The following VPS54 variants were observed in gnomAD, a reference collection of about 807,000 sequenced individuals.
VPS54 encodes VPS54 subunit of GARP complex.
A neutral mutation model predicts 121.5 loss-of-function variants in VPS54; 45 were observed. The observed-to-expected ratio is 0.37, with a 90% CI of 0.29 to 0.47. The LOEUF (loss-of-function observed/expected upper bound fraction) is 0.47, where lower values mean the gene tolerates loss of function less well. Among genes scored for constraint, VPS54 ranks in the 20% least tolerant of loss-of-function variants. The pLI is 0.99. For synonymous variants in VPS54, 371 were observed against 385.8 expected (o/e 0.96, Z 0.45); for missense variants, 1,090 against 1,131.4 (o/e 0.96, Z 0.52).
chr2:63,989,552 T>C (rs1677218274), intron 1 of VPS54, among the ~76,000 whole-genome samples: 1 of 152,152 alleles, frequency 6.6e-6, no homozygotes, highest in South Asian at 2.1e-4. Flanking sequence ...CGATATCTGG[T>C]GCCCAGCATG....
chr2:63,934,095 A>G (rs1674343731), intron 11 of VPS54, 82 bp from the exon 12 acceptor site: 4 of 1,228,758 alleles, frequency 3.3e-6, no homozygotes, highest in Non-Finnish European at 4.5e-6. Flanking sequence ...TGTGCATGTA[A>G]TTTTGGACAT....
At position 63,921,290 on chromosome 2, in the gene VPS54, C is replaced by T. The variant is rs201455446; in HGVS notation, c.1785G>A (p.Leu595=). The stretch of plus-strand genomic sequence containing the variant: ...ATAATAATTCCTGGATATTATTTGC[C>T]AGCTTTCCTAGCTCTGAGTCAGTTA... ...MKLTDSELGK[L]ANNIQELLYS... The change falls in exon 13 of 23, where the codon CTG becomes CTA. Residue 595 remains leucine (L), a synonymous_variant. Coordinates refer to ENST00000272322, the MANE Select transcript of VPS54 (RefSeq NM_016516.3). 6.2e-7 allele frequency: 1 copy of T among 1,612,880 alleles called. No individual in the cohort carries two copies. Among genetic ancestry groups the T allele is most frequent in the Non-Finnish European group, 8.5e-7 (1 of 1,179,436 alleles).
At chr2:64,002,742 T>A (rs566809055) in intron 1 of VPS54, among the ~76,000 whole-genome samples, 1 of 152,312 alleles carries the variant, frequency 6.6e-6, no homozygotes, top group East Asian at 1.9e-4. Context: ...GGAAAACATA[T>A]GCACATTCTC....
At chr2:64,016,649 C>CCCAG (rs1559062194) in intron 1 of VPS54, among the ~76,000 whole-genome samples, 1 of 150,754 alleles carries the variant, frequency 6.6e-6, no homozygotes, top group Non-Finnish European at 1.5e-5. Context: ...CGTTCTGTCA[C>CCCAG]CCAGCCTGTA....
chr2:63,920,129 C>G (rs1236814554), intron 14 of VPS54, 134 bp from the exon 15 acceptor site: 1 of 627,516 alleles, frequency 1.6e-6, no homozygotes, highest in African/African-American at 1.9e-5. Flanking sequence ...ATAAGCAGGA[C>G]CAATACTTAG....
chr2:63,972,330 A>G, intron 3 of VPS54, 86 bp from the exon 4 acceptor site: 1 of 941,614 alleles, frequency 1.1e-6, no homozygotes, highest in Non-Finnish European at 1.6e-6. Flanking sequence ...GAATATCAGA[A>G]TATGCCAAAT....
At chr2:63,965,593 C>T (rs892923080) in intron 6 of VPS54, among the ~76,000 whole-genome samples, 1 of 152,206 alleles carries the variant, frequency 6.6e-6, no homozygotes, top group African/African-American at 2.4e-5. Context: ...ATTCCATCAA[C>T]TGCTCTTTCA....
chr2:63,938,660 T>G (rs1479352024), intron 11 of VPS54, among the ~76,000 whole-genome samples: 1 of 152,182 alleles, frequency 6.6e-6, no homozygotes, highest in Non-Finnish European at 1.5e-5. Context: ...AGATGGGGTT[T>G]CACCATGTTG....
intron 12 of VPS54, among the ~76,000 whole-genome samples, chr2:63,929,132 C>T (rs961135172): frequency 6.6e-6 from 1 of 152,100 alleles, no homozygotes; most frequent in Non-Finnish European, 1.5e-5. Context: ...CAAGGATATC[C>T]AGGACTTGAA....
intron 1 of VPS54, among the ~76,000 whole-genome samples, chr2:63,992,134 C>T (rs6758381): frequency 9.2e-5 from 14 of 152,120 alleles, no homozygotes; most frequent in African/African-American, 2.2e-4. Flanking sequence ...GTTTCCATTC[C>T]GGCCGGTGAC....
intron 1 of VPS54, among the ~76,000 whole-genome samples, chr2:63,992,113 C>T (rs1677351452): frequency 6.6e-6 from 1 of 152,134 alleles, no homozygotes; most frequent in Non-Finnish European, 1.5e-5. Flanking sequence ...ATCGTGTCTG[C>T]CAAGCTTCCT....
chr2:63,993,124 T>A (rs1677407065), intron 1 of VPS54, among the ~76,000 whole-genome samples: 1 of 152,208 alleles, frequency 6.6e-6, no homozygotes, highest in Non-Finnish European at 1.5e-5. Flanking sequence ...AGGACAAAAT[T>A]CAACAGACCA....
chr2:63,959,690 C>T (rs1675663282), intron 7 of VPS54, among the ~76,000 whole-genome samples: 1 of 152,028 alleles, frequency 6.6e-6, no homozygotes, highest in Non-Finnish European at 1.5e-5. Context: ...AGTTCGAGAC[C>T]AGCCTGGGTA....
intron 1 of VPS54, among the ~76,000 whole-genome samples, chr2:63,992,810 TATTG>T (rs753496015): frequency 1.6e-4 from 24 of 152,230 alleles, no homozygotes; most frequent in Non-Finnish European, 2.6e-4. Context: ...CTCTCATAGT[TATTG>T]ATTTTTTTAT....
chr2:63,953,160 C>T (rs138244293), intron 7 of VPS54, among the ~76,000 whole-genome samples: 1,923 of 129,596 alleles, frequency 0.015, 65 homozygotes, highest in African/African-American at 0.053. Flanking sequence ...TAGACAGAGT[C>T]TCCCTCTGTT....
chr2:63,992,041 C>G (rs182383776), intron 1 of VPS54, among the ~76,000 whole-genome samples: 1 of 152,198 alleles, frequency 6.6e-6, no homozygotes, highest in Non-Finnish European at 1.5e-5. Context: ...TCCACCTCTG[C>G]TAAAGGAATC....
chr2:63,973,233 AT>A (rs1421723159), intron 3 of VPS54, among the ~76,000 whole-genome samples: 2 of 152,198 alleles, frequency 1.3e-5, no homozygotes. Context: ...TCTAATAGAT[AT>A]GTAGTGGCAT....
At chr2:63,938,607 G>A (rs1029323608) in intron 11 of VPS54, among the ~76,000 whole-genome samples, 1 of 152,182 alleles carries the variant, frequency 6.6e-6, no homozygotes, top group African/African-American at 2.4e-5. Flanking sequence ...TGGGATTACA[G>A]GCATGAGACA....
intron 1 of VPS54, among the ~76,000 whole-genome samples, chr2:63,995,675 T>G (rs557192098): frequency 6.6e-6 from 1 of 152,338 alleles, no homozygotes; most frequent in South Asian, 2.1e-4. Context: ...TTTAAGACAG[T>G]CTGTTATTTG....
Sources: allele counts gnomAD v4.1 joint callset (sites outside exome capture counted in the v4.1 genomes callset), GRCh38; gene constraint gnomAD v4.1.1; transcripts MANE v1.5; gene names NCBI Gene and HGNC (gene_info 2026-07-23, HGNC 2026-07-21).